ITGAE: variants seen among roughly 807,000 people sequenced by gnomAD.
ITGAE encodes the protein integrin subunit alpha E.
A neutral mutation model predicts 136.5 loss-of-function variants in ITGAE; 99 were observed. The observed-to-expected ratio is 0.73, with a 90% confidence interval of 0.62 to 0.86. The LOEUF (loss-of-function observed/expected upper bound fraction) is 0.86. Among genes scored for constraint, ITGAE ranks in the 40% least tolerant of loss-of-function variants. The pLI, the probability that ITGAE is intolerant of heterozygous loss-of-function variation, is 0.00. For missense variants in ITGAE, 1,447 were observed against 1,515.3 expected, an observed-to-expected ratio of 0.95 and a Z score of 0.75; for synonymous variants, 613 against 591.8, an observed-to-expected ratio of 1.04 and a Z score of -0.52.
At chr17:3,732,311 G>T in intron 22 of ITGAE, 57 bp downstream of exon 22, 1 of 1,276,220 alleles carries the variant, frequency 7.8e-7, no homozygotes, top group Non-Finnish European at 1.1e-6. Context: ...AGACCAAGAT[G>T]CAGAAGACGC....
chr17:3,748,607 G>T (rs145223488), intron 16 of ITGAE, among the ~76,000 whole-genome samples: 7 of 152,044 alleles, frequency 4.6e-5, no homozygotes, highest in African/African-American at 1.7e-4. Context: ...ACAAAAATAC[G>T]GTAATAAGGA....
At position 3,760,682 on chromosome 17, in the gene ITGAE, C is replaced by T. The variant is rs184689885; in HGVS notation, c.598+331G>A. On this transcript the variant is annotated intron_variant, in intron 6 of 30. Transcript: ENST00000263087. ...CTTGAACTCCTGACCTCAAGTGATC[C>T]GCCCACTTCAGCCTCCCAAAATGCT... 1.7e-3 allele frequency among the ~76,000 whole-genome samples: 254 copies of T among 151,896 alleles called. 5 individuals carry two copies. The highest frequency in any genetic ancestry group is 0.016 in the Admixed American group (241 of 15,224).
rs2052132450 is a variant in ITGAE at position 3,760,250 on chromosome 17, G to A, written c.636C>T (p.Ser212=). The change falls in exon 7 of 31, where the codon AGC becomes AGT. Residue 212 remains serine, a synonymous_variant. Transcript: ENST00000263087. ...EIAIILDGSG[S]IDPPDFQRAK... The stretch of plus-strand genomic sequence containing the variant: ...CTCTCTGAAAGTCTGGGGGATCAAT[G>A]CTTCCTGAGCCATCCAGGATGATGG... 6 of 1,613,686 alleles carry A rather than the reference G, an allele frequency of 3.7e-6. No individual in the cohort carries two copies. The East Asian group carries it at 1.3e-4, about 36-fold the overall frequency.
chr17:3,734,707 A>G (rs553582072), intron 21 of ITGAE, 110 bp downstream of exon 21: 15 of 1,336,890 alleles, frequency 1.1e-5, no homozygotes, highest in East Asian at 2.3e-5. Flanking sequence ...TGGTTGGACC[A>G]GGAGGAGGCT....
At chr17:3,752,011 G>T in intron 14 of ITGAE, 137 bp from the exon 15 acceptor site, 1 of 741,022 alleles carries the variant, frequency 1.3e-6, no homozygotes, top group Non-Finnish European at 2.3e-6. Flanking sequence ...TGGGCCGGTG[G>T]GTTCCCACTC....
intron 15 of ITGAE, 131 bp from the exon 16 acceptor site, chr17:3,750,613 G>A (rs1304350055): frequency 2.8e-6 from 3 of 1,071,996 alleles, no homozygotes; most frequent in East Asian, 5.2e-5. Flanking sequence ...TCTAGAACCA[G>A]GAAAGAGGGA....
rs772069525 is a variant in ITGAE, at chr17:3,757,678, G to A, written c.1020+28C>T. On this transcript the variant is annotated intron_variant, in intron 9 of 30. Transcript: ENST00000263087. ...CCCACCCCAGGCTGTGCAGGTTCAGGAGGTGTCTCCCGGCTCCTGGCTCTT... is the reference window on the plus strand; with the variant it reads ...CCCACCCCAGGCTGTGCAGGTTCAGAAGGTGTCTCCCGGCTCCTGGCTCTT... 3 of 1,611,442 alleles carry A rather than the reference G, an allele frequency of 1.9e-6. No homozygotes were observed. The Admixed American group carries it at 5.0e-5, about 27-fold the overall frequency.
intron 1 of ITGAE, among the ~76,000 whole-genome samples, chr17:3,781,558 C>T (rs985291394): frequency 5.3e-5 from 8 of 151,900 alleles, no homozygotes; most frequent in Non-Finnish European, 1.2e-4. Flanking sequence ...GGTTTCACCA[C>T]GTTGGCCAGG....
chr17:3,737,275 AGAGT>A (rs893284165), intron 20 of ITGAE, among the ~76,000 whole-genome samples: 3 of 152,192 alleles, frequency 2.0e-5, no homozygotes, highest in Non-Finnish European at 2.9e-5. Context: ...CCTGGGTGAC[AGAGT>A]GAGACCCTGT....
chr17:3,750,962 C>T lies in ITGAE; in HGVS notation c.1894-480G>A, dbSNP rs1432964290. On this transcript the variant is annotated intron_variant, in intron 15 of 30. Coordinates refer to ENST00000263087, the MANE Select transcript of ITGAE (RefSeq NM_002208.5). ...GATGGCAAGGCCTGAGCTGGGACCG[C>T]AGGGGTGGGGATAGAGAGAAGGGGC... 2.7e-5 allele frequency among the ~76,000 whole-genome samples: 4 copies of T among 150,226 alleles called. No homozygotes were observed. The East Asian group carries it at 8.0e-4, about 30-fold the overall frequency.
intron 22 of ITGAE, among the ~76,000 whole-genome samples, chr17:3,731,786 G>A (rs1419062184): frequency 2.0e-5 from 3 of 151,618 alleles, no homozygotes; most frequent in East Asian, 2.0e-4. Flanking sequence ...ATAACTTTTC[G>A]TCTTGGCCGG....
chr17:3,742,535 A>G (rs1267537525), intron 19 of ITGAE, among the ~76,000 whole-genome samples: 1 of 151,634 alleles, frequency 6.6e-6, no homozygotes, highest in Non-Finnish European at 1.5e-5. Context: ...GTTCACTGCA[A>G]CCACTGTCTC....
chr17:3,722,626 TAGA>T (rs2051080236), intron 28 of ITGAE: 1 of 152,856 alleles, frequency 6.5e-6, no homozygotes, highest in Admixed American at 6.5e-5. Flanking sequence ...ACTGGCGAGC[TAGA>T]AGAATAGGAC....
chr17:3,716,393 C>T (rs1481022083), intron 30 of ITGAE, among the ~76,000 whole-genome samples: 1 of 152,118 alleles, frequency 6.6e-6, no homozygotes, highest in Admixed American at 6.6e-5. Context: ...CCTTCCAGGC[C>T]CTATTGAACT....
At chr17:3,738,471 G>T (rs1297826242) in intron 20 of ITGAE, among the ~76,000 whole-genome samples, 2 of 152,018 alleles carry the variant, frequency 1.3e-5, no homozygotes, top group Non-Finnish European at 2.9e-5. Context: ...GCCCGGCCTG[G>T]GGGGCATTCT....
intron 1 of ITGAE, among the ~76,000 whole-genome samples, chr17:3,781,041 CTT>C (rs1250158098): frequency 6.6e-6 from 1 of 152,164 alleles, no homozygotes; most frequent in Non-Finnish European, 1.5e-5. Flanking sequence ...GGTCAAGTCT[CTT>C]TTTGTAAGTT....
At chr17:3,730,081 C>T (rs939720786) in intron 23 of ITGAE, among the ~76,000 whole-genome samples, 2 of 152,194 alleles carry the variant, frequency 1.3e-5, no homozygotes, top group Non-Finnish European at 1.5e-5. Flanking sequence ...TGCTGTTCCC[C>T]TCCCTGTGTC....
chr17:3,787,260 T>C (rs2052822694), intron 1 of ITGAE, among the ~76,000 whole-genome samples: 1 of 151,768 alleles, frequency 6.6e-6, no homozygotes, highest in East Asian at 2.0e-4. Flanking sequence ...TACAGGCATG[T>C]GCCACCACAC....
intron 1 of ITGAE, among the ~76,000 whole-genome samples, chr17:3,797,326 C>T (rs1209825199): frequency 1.6e-4 from 24 of 148,592 alleles, no homozygotes; most frequent in Non-Finnish European, 1.3e-4. Flanking sequence ...CCACCATGCC[C>T]AGCTAATTTT....
Sources: allele counts gnomAD v4.1 joint callset (sites outside exome capture counted in the v4.1 genomes callset), GRCh38; gene constraint gnomAD v4.1.1; transcripts MANE v1.5; gene names NCBI Gene and HGNC (gene_info 2026-07-23, HGNC 2026-07-21).